KCNK5: variants seen among roughly 807,000 people sequenced by gnomAD.
KCNK5 encodes potassium channel subfamily K member 5.
Under a neutral mutation model 32.9 loss-of-function variants are expected in KCNK5, and 18 were observed. The observed-to-expected ratio is 0.55, with a 90% CI of 0.38 to 0.81. The LOEUF (loss-of-function observed/expected upper bound fraction) is 0.81, where lower values mean the gene tolerates loss of function less well. Ranked by LOEUF, KCNK5 falls within the 30% of genes least tolerant of loss-of-function variation. KCNK5 has a pLI of 0.00. For synonymous variants in KCNK5, 276 were observed against 275.3 expected (o/e 1.00, Z -0.03); for missense variants, 507 against 651.0 (o/e 0.78, Z 2.41).
intron 1 of KCNK5, among the ~76,000 whole-genome samples, chr6:39,219,749 A>G (rs2561400): frequency 0.25 from 38,707 of 151,990 alleles, 5,558 homozygotes; most frequent in East Asian, 0.53. Context: ...ACAGTGCTGG[A>G]CAGACGGACA....
chr6:39,196,170 G>A lies in KCNK5; in HGVS notation c.187-183C>T, dbSNP rs879115957. 2.0e-5 allele frequency among the ~76,000 whole-genome samples: 3 copies of A among 152,094 alleles called. No individual in the cohort carries two copies. In the South Asian group the frequency reaches 6.2e-4, roughly 32 times the overall value. ...CAGAGAGGTTACCTGATTTACCCAAGGTAAAGATATGAACCCAGGCAATCT... is the reference window on the plus strand; with the variant it reads ...CAGAGAGGTTACCTGATTTACCCAAAGTAAAGATATGAACCCAGGCAATCT... On this transcript the variant is annotated intron_variant, in intron 1 of 4. Coordinates refer to ENST00000359534, the MANE Select transcript of KCNK5 (RefSeq NM_003740.4).
intron 1 of KCNK5, among the ~76,000 whole-genome samples, chr6:39,224,401 G>A (rs1277393389): frequency 6.6e-6 from 1 of 152,176 alleles, no homozygotes; most frequent in East Asian, 1.9e-4. Context: ...AAAATTCAAT[G>A]TACCCCATTC....
chr6:39,205,022 C>A (rs1771198829), intron 1 of KCNK5, among the ~76,000 whole-genome samples: 1 of 152,256 alleles, frequency 6.6e-6, no homozygotes, highest in Admixed American at 6.5e-5. Context: ...CCGCATTGTT[C>A]TCAGGCTGGG....
chr6:39,228,426 C>T (rs1771710863), intron 1 of KCNK5, among the ~76,000 whole-genome samples: 1 of 152,098 alleles, frequency 6.6e-6, no homozygotes, highest in Non-Finnish European at 1.5e-5. Flanking sequence ...AAGATTTTGC[C>T]CAGGCTCGGG....
chr6:39,225,985 T>C (rs768867772), intron 1 of KCNK5, among the ~76,000 whole-genome samples: 4 of 152,254 alleles, frequency 2.6e-5, no homozygotes, highest in African/African-American at 4.8e-5. Context: ...GTTCACTTTT[T>C]ATAGACATCT....
chr6:39,193,153 G>A (rs1264105554), intron 4 of KCNK5, among the ~76,000 whole-genome samples: 1 of 146,378 alleles, frequency 6.8e-6, no homozygotes, highest in Non-Finnish European at 1.6e-5. Flanking sequence ...TGCTGGTGCT[G>A]AGAAAGTATG....
intron 1 of KCNK5, among the ~76,000 whole-genome samples, chr6:39,222,594 T>C (rs1014517803): frequency 6.6e-6 from 1 of 152,196 alleles, no homozygotes; most frequent in African/African-American, 2.4e-5. Flanking sequence ...TACAGCCTGT[T>C]GGGTCCATCC....
At chr6:39,217,118 C>CAAAAAAAAAAAAAAAAAAAA (rs57204833) in intron 1 of KCNK5, among the ~76,000 whole-genome samples, 6 of 74,444 alleles carry the variant, frequency 8.1e-5, no homozygotes, top group Admixed American at 1.7e-4. Context: ...AAAACTCCAT[C>CAAAAAAAAAAAAAAAAAAAA]AAAAAAAAAA....
rs752898883 is a variant in KCNK5 at position 39,191,714 on chromosome 6, A to C, written c.676T>G (p.Phe226Val). ...CCCAAGTAGATCCAGAGCTCCACGAAGTAGCGGTACAGGGCGTGGTAGTTG... is the reference window on the plus strand; with the variant it reads ...CCCAAGTAGATCCAGAGCTCCACGACGTAGCGGTACAGGGCGTGGTAGTTG... ...SANYHALYRYFVELWIYLGLA... is the reference protein window; with the variant it reads ...SANYHALYRYVVELWIYLGLA... The change falls in exon 5 of 5, where the codon TTC (phenylalanine) becomes GTC (valine). Residue 226 changes from phenylalanine to valine, a missense_variant. Physicochemically the swap from Phe to Val is conservative, Grantham distance 50. Transcript: ENST00000359534. The surrounding 1 kb of genome is among the most constrained non-coding windows in gnomAD (Gnocchi z 5.8). 1 of 1,614,084 alleles carries C rather than the reference A, an allele frequency of 6.2e-7. No homozygotes were observed. The highest frequency in any genetic ancestry group is 2.2e-5 in the East Asian group (1 of 44,820).
chr6:39,226,803 C>G (rs1269166308), intron 1 of KCNK5, among the ~76,000 whole-genome samples: 1 of 152,286 alleles, frequency 6.6e-6, no homozygotes, highest in East Asian at 1.9e-4. Context: ...GGGGTTTTTC[C>G]TATGACGGGA....
At chr6:39,206,834 C>G (rs539504601) in intron 1 of KCNK5, among the ~76,000 whole-genome samples, 11 of 151,954 alleles carry the variant, frequency 7.2e-5, no homozygotes, top group Admixed American at 6.5e-4. Context: ...ACTGTGTTGG[C>G]GCGTCGATTA....
At chr6:39,212,410 TACC>T (rs1771358252) in intron 1 of KCNK5, among the ~76,000 whole-genome samples, 1 of 152,244 alleles carries the variant, frequency 6.6e-6, no homozygotes, top group African/African-American at 2.4e-5. Flanking sequence ...AAGCACATCC[TACC>T]TGCAGCCTCC....
chr6:39,217,241 G>A (rs555732501), intron 1 of KCNK5, among the ~76,000 whole-genome samples: 13 of 152,140 alleles, frequency 8.5e-5, no homozygotes, highest in Non-Finnish European at 1.9e-4. Context: ...TCTGTAGTGT[G>A]GCTGACTGGG....
intron 1 of KCNK5, among the ~76,000 whole-genome samples, chr6:39,213,026 C>T (rs1301050904): frequency 6.6e-6 from 1 of 152,182 alleles, no homozygotes; most frequent in African/African-American, 2.4e-5. Context: ...GGATTGGTTC[C>T]AAGACCCCCT....
At position 39,194,508 on chromosome 6, in the gene KCNK5, T is replaced by C; in HGVS notation, c.465+86A>G. The stretch of plus-strand genomic sequence containing the variant: ...CTCTTGCCATCTGTCCTTACACCCT[T>C]GGTCCAATTCCTAGAGGCCTCCTGT... On this transcript the variant is annotated intron_variant, in intron 3 of 4. Transcript: ENST00000359534. This position sits in a 1 kb window ranked among gnomAD's most constrained non-coding sequence, Gnocchi z 4.7. The C allele has an allele frequency of 6.6e-7, 1 of 1,509,210 alleles. No individual in the cohort carries two copies. Among genetic ancestry groups the C allele is most frequent in the Non-Finnish European group, 9.0e-7 (1 of 1,106,012 alleles). 93.5% of individuals were successfully genotyped at this position (1,509,210 alleles called of 1,614,324 possible). A position where few individuals can be genotyped will look rare whatever the true frequency, so the allele number is the denominator to read the frequency against.
intron 1 of KCNK5, among the ~76,000 whole-genome samples, chr6:39,224,887 G>GT (rs973638999): frequency 3.9e-4 from 58 of 147,730 alleles, no homozygotes; most frequent in South Asian, 2.6e-3. Flanking sequence ...TACCAGTTAG[G>GT]TTTTTTTTTT....
intron 1 of KCNK5, among the ~76,000 whole-genome samples, chr6:39,210,970 T>G (rs1442717180): frequency 6.6e-6 from 1 of 151,058 alleles, no homozygotes; most frequent in African/African-American, 2.4e-5. Context: ...TGCCCGCCCC[T>G]CCTCCCCTTC....
Position 39,191,236 on chromosome 6 carries a change from G to A in KCNK5, c.1154C>T (p.Ser385Phe), listed in dbSNP as rs765526684. Residue 385 changes from serine to phenylalanine, a missense_variant, in exon 5 of 5, where the codon TCC becomes TTC. Ser to Phe is a radical substitution (Grantham distance 155). Coordinates refer to ENST00000359534, the MANE Select transcript of KCNK5 (RefSeq NM_003740.4). The surrounding 1 kb of genome is among the most constrained non-coding windows in gnomAD (Gnocchi z 5.8). ...EAVARAPEDS[S>F]PAPEVFMNQL... ...GTTCATGAACACCTCGGGGGCAGGGGAGCTGTCTTCAGGGGCCCGTGCCAC... is the reference window on the plus strand; with the variant it reads ...GTTCATGAACACCTCGGGGGCAGGGAAGCTGTCTTCAGGGGCCCGTGCCAC... The A allele has an allele frequency of 8.1e-6, 13 of 1,614,162 alleles. No homozygotes were observed.
intron 1 of KCNK5, among the ~76,000 whole-genome samples, chr6:39,225,100 C>G (rs910371920): frequency 6.6e-6 from 1 of 152,028 alleles, no homozygotes; most frequent in Non-Finnish European, 1.5e-5. Context: ...CCTCGTTAAG[C>G]GACCTCCTGA....
Sources: allele counts gnomAD v4.1 joint callset (sites outside exome capture counted in the v4.1 genomes callset), GRCh38; gene constraint gnomAD v4.1.1; non-coding constraint Gnocchi (gnomAD v3.1); transcripts MANE v1.5; gene names NCBI Gene and HGNC (gene_info 2026-07-23, HGNC 2026-07-21).